GSPT1: variants seen among roughly 807,000 people sequenced by gnomAD.
GSPT1 encodes G1 to S phase transition 1, also known as eukaryotic peptide chain release factor GTP-binding subunit ERF3A.
A neutral mutation model predicts 72.5 loss-of-function variants in GSPT1; 20 were observed. The observed-to-expected ratio is 0.28, with a 90% CI of 0.19 to 0.40. The LOEUF (loss-of-function observed/expected upper bound fraction) is 0.40, where lower values mean the gene tolerates loss of function less well. Ranked by LOEUF, GSPT1 falls within the 10% of genes least tolerant of loss-of-function variation. The pLI, the probability that GSPT1 is intolerant of heterozygous loss-of-function variation, is 1.00. For missense variants in GSPT1, 580 were observed against 811.9 expected (o/e 0.71, Z 3.47); for synonymous variants, 334 against 293.5 (o/e 1.14, Z -1.41).
intron 5 of GSPT1, among the ~76,000 whole-genome samples, chr16:11,894,088 C>T (rs1046915751): frequency 2.3e-5 from 3 of 130,114 alleles, no homozygotes; most frequent in East Asian, 2.5e-4. Context: ...TCCAGGAGGT[C>T]GAGGCTGCAG....
chr16:11,904,497 C>T (rs919038081), intron 1 of GSPT1, among the ~76,000 whole-genome samples: 2 of 152,054 alleles, frequency 1.3e-5, no homozygotes, highest in Non-Finnish European at 1.5e-5. Context: ...CCACTGCGCC[C>T]AGCCAGTTTT....
chr16:11,890,314 A>G (rs1227116623), intron 6 of GSPT1, among the ~76,000 whole-genome samples: 1 of 152,188 alleles, frequency 6.6e-6, no homozygotes, highest in Admixed American at 6.6e-5. Flanking sequence ...TTGAAAACTG[A>G]AAGCCACTAA....
intron 1 of GSPT1, among the ~76,000 whole-genome samples, chr16:11,904,621 T>C (rs538478934): frequency 6.6e-6 from 1 of 151,998 alleles, no homozygotes; most frequent in South Asian, 2.1e-4. Context: ...CAGCATATCC[T>C]CACAGCATAC....
chr16:11,868,631 T>A lies in GSPT1; in HGVS notation c.*4488A>T, dbSNP rs992058840. The A allele has an allele frequency of 2.6e-5, 4 of 152,152 alleles. No homozygotes were observed. Among genetic ancestry groups the A allele is most frequent in the East Asian group, 3.9e-4 (2 of 5,194 alleles). 9.4% of individuals were successfully genotyped at this position (152,152 alleles called of 1,614,324 possible). A position where few individuals can be genotyped will look rare whatever the true frequency, so the allele number is the denominator to read the frequency against. On this transcript the variant is annotated 3_prime_UTR_variant, in exon 15 of 15. Transcript: ENST00000434724. ...AGCGCTCCAGCTCCAGCACACACAC[T>A]CTTCCCTGGGCAGCAGGAAAAGGAG...
intron 1 of GSPT1, among the ~76,000 whole-genome samples, chr16:11,901,362 C>T (rs1174756946): frequency 6.6e-6 from 1 of 152,054 alleles, no homozygotes; most frequent in Non-Finnish European, 1.5e-5. Context: ...TTTCTCACAT[C>T]CTACATGGTT....
In GSPT1 at chr16:11,877,457, G is replaced by T; in HGVS notation, c.1552C>A (p.Leu518Ile). The T allele has an allele frequency of 6.2e-7, 1 of 1,611,130 alleles. No homozygotes were observed. Among genetic ancestry groups the T allele is most frequent in the African/African-American group, 1.3e-5 (1 of 74,884 alleles). Residue 518 changes from leucine to isoleucine, a missense_variant, in exon 12 of 15, where the codon CTT becomes ATT. Physicochemically the swap from Leu to Ile is conservative, Grantham distance 5 (BLOSUM62 2). Around this residue, in one of 6 missense-constraint regions of GSPT1, gnomAD observed 120 missense variants for 242.5 expected, o/e 0.49. Coordinates refer to ENST00000434724, the MANE Select transcript of GSPT1 (RefSeq NM_002094.4). The surrounding 1 kb of genome is among the most constrained non-coding windows in gnomAD (Gnocchi z 4.0). The part of the protein sequence containing the change: ...EEEEILPGFI[L>I]CDPNNLCHSG... ...TGACAAAGATTATTAGGATCACAAA[G>T]TATAAACCCTGGAAGAATCTCCTCT...
chr16:11,889,727 A>T (rs2054233100), intron 6 of GSPT1, among the ~76,000 whole-genome samples: 1 of 151,618 alleles, frequency 6.6e-6, no homozygotes, highest in African/African-American at 2.4e-5. Flanking sequence ...GCTGGTCTCG[A>T]ACTCCTGACC....
chr16:11,879,367 C>G (rs1003043709), intron 11 of GSPT1, among the ~76,000 whole-genome samples: 7 of 151,724 alleles, frequency 4.6e-5, no homozygotes, highest in African/African-American at 1.7e-4. Context: ...GTACTCCAGC[C>G]TGGGCCACAG....
intron 1 of GSPT1, among the ~76,000 whole-genome samples, chr16:11,912,924 G>C (rs1184419185): frequency 6.6e-6 from 1 of 152,146 alleles, no homozygotes. Flanking sequence ...AGAGATCCAA[G>C]GTCAATACTG....
intron 8 of GSPT1, 60 bp from the exon 9 acceptor site, chr16:11,886,671 C>T (rs2054189611): frequency 1.9e-6 from 3 of 1,551,310 alleles, no homozygotes; most frequent in Non-Finnish European, 2.7e-6. Flanking sequence ...ACTCTAGTTT[C>T]CTAAGTAAAC....
At chr16:11,889,364 G>C (rs547511487) in intron 6 of GSPT1, among the ~76,000 whole-genome samples, 4 of 125,664 alleles carry the variant, frequency 3.2e-5, no homozygotes, top group African/African-American at 9.5e-5. Context: ...TTTGGAGATG[G>C]GAGTCTTGCT....
chr16:11,886,222 A>T (rs2141286017), intron 9 of GSPT1, among the ~76,000 whole-genome samples: 1 of 152,310 alleles, frequency 6.6e-6, no homozygotes, highest in East Asian at 1.9e-4. Flanking sequence ...ATTGTAGCTG[A>T]TAAGGGACTG....
At chr16:11,878,101 A>G (rs1481532677) in intron 11 of GSPT1, among the ~76,000 whole-genome samples, 5 of 152,128 alleles carry the variant, frequency 3.3e-5, no homozygotes, top group African/African-American at 1.2e-4. Context: ...GATAGTGATG[A>G]TGGCTGCATA....
In GSPT1 at chr16:11,870,369, AC is replaced by A. The variant is rs919801173; in HGVS notation, c.*2749del. The A allele has an allele frequency of 1.3e-5, 2 of 152,256 alleles. No individual in the cohort carries two copies. Among genetic ancestry groups the A allele is most frequent in the African/African-American group, 4.8e-5 (2 of 41,470 alleles). The allele number at this position is 152,256 out of a possible 1,614,324, so 9.4% of individuals were successfully genotyped here. On this transcript the variant is annotated 3_prime_UTR_variant, in exon 15 of 15. Transcript: ENST00000434724. ...TAAATTCACTTTATTAATTTAAAAA[AC>A]TAAATAATCGCATGAAAGTTATATA...
chr16:11,873,036 C>A lies in GSPT1; in HGVS notation c.*83G>T. The A allele has an allele frequency of 1.3e-6, 1 of 756,524 alleles. No individual in the cohort carries two copies. Among genetic ancestry groups the A allele is most frequent in the Non-Finnish European group, 2.3e-6 (1 of 435,776 alleles). The allele number at this position is 756,524 out of a possible 1,614,324, so 46.9% of individuals were successfully genotyped here. A position where few individuals can be genotyped will look rare whatever the true frequency, so the allele number is the denominator to read the frequency against. On this transcript the variant is annotated 3_prime_UTR_variant, in exon 15 of 15. Coordinates refer to ENST00000434724, the MANE Select transcript of GSPT1 (RefSeq NM_002094.4). ...ATATGGGGAGAGGTTTATCAATGGGCAGAAAATAAGAGAAGGCGGTGTGAA... is the reference window on the plus strand; with the variant it reads ...ATATGGGGAGAGGTTTATCAATGGGAAGAAAATAAGAGAAGGCGGTGTGAA...
chr16:11,882,616 C>G (rs1490756456), intron 11 of GSPT1: 1 of 157,920 alleles, frequency 6.3e-6, no homozygotes, highest in Non-Finnish European at 1.4e-5. Context: ...TAGAGAAGCC[C>G]TGCCTCAGGT....
At chr16:11,886,445 A>G (rs530947781) in intron 9 of GSPT1, 26 bp downstream of exon 9, 4 of 1,539,158 alleles carry the variant, frequency 2.6e-6, no homozygotes, top group African/African-American at 1.4e-5. Flanking sequence ...TTTCCTTTTT[A>G]AAAAAAGGAA....
At position 11,915,671 on chromosome 16, in the gene GSPT1, C is replaced by T. The variant is rs1411506413; in HGVS notation, c.50G>A (p.Ser17Asn). 6.1e-6 allele frequency: 9 copies of T among 1,485,034 alleles called. No homozygotes were observed. The highest frequency in any genetic ancestry group is 7.1e-6 in the Non-Finnish European group (8 of 1,122,566). 92.0% of individuals were successfully genotyped at this position (1,485,034 alleles called of 1,614,324 possible). Residue 17 changes from serine (S) to asparagine (N), a missense_variant, in exon 1 of 15, where the codon AGC (serine) becomes AAC (asparagine). Transcript: ENST00000434724. Reference protein sequence around the residue: ...GGGGGGGGGGSSSGSSSSDSA... With the variant: ...GGGGGGGGGGNSSGSSSSDSA... Reference sequence around the variant, plus strand: ...GTCGCTGCTGCTGCTGCCGCTGCTGCTCCCGCCGCCGCCGCCGCCGCCGCC... The same window carrying T: ...GTCGCTGCTGCTGCTGCCGCTGCTGTTCCCGCCGCCGCCGCCGCCGCCGCC...
chr16:11,900,227 G>T (rs1018020247), intron 1 of GSPT1, among the ~76,000 whole-genome samples: 1 of 151,848 alleles, frequency 6.6e-6, no homozygotes, highest in African/African-American at 2.4e-5. Context: ...CAGCTACTCG[G>T]GAGGCCAAGG....
Sources: allele counts gnomAD v4.1 joint callset (sites outside exome capture counted in the v4.1 genomes callset), GRCh38; gene constraint gnomAD v4.1.1; regional missense constraint gnomAD v4.1.1; non-coding constraint Gnocchi (gnomAD v3.1); transcripts MANE v1.5; gene names NCBI Gene and HGNC (gene_info 2026-07-23, HGNC 2026-07-21).